PABPC1L: variants seen among roughly 807,000 people sequenced by gnomAD.
PABPC1L encodes the protein polyadenylate-binding protein 1-like.
Under a neutral mutation model 66.6 loss-of-function variants are expected in PABPC1L, and 31 were observed. That is an observed-to-expected ratio of 0.47 (90% CI 0.35 to 0.63). The LOEUF (loss-of-function observed/expected upper bound fraction) is 0.63, where lower values mean the gene tolerates loss of function less well. PABPC1L is among the 20% of genes least tolerant of loss of function. PABPC1L has a pLI of 0.00. For synonymous variants in PABPC1L, 348 were observed against 335.1 expected, an observed-to-expected ratio of 1.04 and a Z score of -0.42; for missense variants, 722 against 848.8, an observed-to-expected ratio of 0.85 and a Z score of 1.86.
At chr20:44,934,890 A>T (rs1435243215) in intron 10 of PABPC1L, among the ~76,000 whole-genome samples, 1 of 152,188 alleles carries the variant, frequency 6.6e-6, no homozygotes, top group East Asian at 1.9e-4. Context: ...CAACATGGTG[A>T]AACCCTGTCT....
At chr20:44,925,736 G>T (rs866489603) in intron 7 of PABPC1L, among the ~76,000 whole-genome samples, 1 of 152,300 alleles carries the variant, frequency 6.6e-6, no homozygotes, top group African/African-American at 2.4e-5. Context: ...GCGAGAGAAG[G>T]CTGTGGCACA....
At position 44,936,641 on chromosome 20, in the gene PABPC1L, A is replaced by G. The variant is rs1018219558; in HGVS notation, c.1571A>G (p.Gln524Arg). 1.3e-6 allele frequency: 2 copies of G among 1,593,296 alleles called. No individual in the cohort carries two copies. Among genetic ancestry groups the G allele is most frequent in the Non-Finnish European group, 1.7e-6 (2 of 1,171,000 alleles). Residue 524 changes from glutamine to arginine, a missense_variant, in exon 12 of 15, where the codon CAG becomes CGG. By Grantham distance (43) the Gln-to-Arg change is conservative. Transcript: ENST00000217073. ...SSAAHSTYRV[Q>R]EPAVHIPGQE... is the part of the protein sequence containing the mutation. ...TGTGTCCCCGGCACCATGCAGGTCC[A>G]GGAGCCGGCTGTGCACATCCCAGGA...
intron 7 of PABPC1L, among the ~76,000 whole-genome samples, chr20:44,925,305 C>G (rs568929670): frequency 1.3e-5 from 2 of 151,822 alleles, no homozygotes; most frequent in Non-Finnish European, 2.9e-5. Context: ...TTTTACCAGG[C>G]TCTGTGGGAA....
chr20:44,932,771 C>T, intron 9 of PABPC1L: 2 of 496,178 alleles, frequency 4.0e-6, no homozygotes, highest in Non-Finnish European at 7.3e-6. Context: ...GAGTGAATTG[C>T]ACGCTCACTT....
At chr20:44,932,748 C>T (rs2066870977) in intron 9 of PABPC1L, 1 of 494,966 alleles carries the variant, frequency 2.0e-6, no homozygotes, top group East Asian at 3.3e-5. Context: ...TGACCAAAGG[C>T]CCTCCTCTGT....
chr20:44,933,013 C>T (rs12798), intron 9 of PABPC1L, 44 bp from the exon 10 acceptor site: 124,802 of 1,360,934 alleles, frequency 0.092, 6,179 homozygotes, highest in East Asian at 0.14. Context: ...TTATTCCCAC[C>T]ACTCCATCCA....
rs1340981312 is a variant in PABPC1L at position 44,935,403 on chromosome 20, C to T, written c.1472C>T (p.Thr491Ile). 2 of 1,614,050 alleles carry T rather than the reference C, an allele frequency of 1.2e-6. No homozygotes were observed. Among genetic ancestry groups the T allele is most frequent in the Non-Finnish European group, 1.7e-6 (2 of 1,179,944 alleles). ...PHTQRVANIG[T>I]QTTGPSGVGC... ...TTTTGTTTTGCAGCCAACATTGGTACTCAGACCACAGGACCCAGTGGGGTA... is the reference window on the plus strand; with the variant it reads ...TTTTGTTTTGCAGCCAACATTGGTATTCAGACCACAGGACCCAGTGGGGTA... The change falls in exon 11 of 15, where the codon ACT (threonine) becomes ATT (isoleucine). Residue 491 changes from threonine to isoleucine, a missense_variant. By Grantham distance (89) the Thr-to-Ile change is moderately conservative. Coordinates refer to ENST00000217073, the MANE Select transcript of PABPC1L (RefSeq NM_001372179.1).
intron 8 of PABPC1L, 120 bp from the exon 9 acceptor site, chr20:44,932,222 T>G (rs1317247914): frequency 9.2e-6 from 6 of 651,162 alleles, no homozygotes; most frequent in African/African-American, 1.9e-5. Context: ...CTTGTGGGTC[T>G]TGACTCACCA....
In PABPC1L at chr20:44,910,061, A is replaced by C; in HGVS notation, c.-83A>C. 1 of 1,251,874 alleles carries C rather than the reference A, an allele frequency of 8.0e-7. No homozygotes were observed. Among genetic ancestry groups the C allele is most frequent in the East Asian group, 2.8e-5 (1 of 35,576 alleles). The allele number at this position is 1,251,874 out of a possible 1,614,324, so 77.5% of individuals were successfully genotyped here. On this transcript the variant is annotated 5_prime_UTR_variant, in exon 1 of 15. Transcript: ENST00000217073. ...GGAAGGGGCGGGCCCGCGCCCAGGA[A>C]GGAGGGCTTCCGCCCGGGTGAGCGC...
intron 2 of PABPC1L, among the ~76,000 whole-genome samples, chr20:44,914,215 T>A (rs866293918): frequency 1.9e-4 from 29 of 148,918 alleles, no homozygotes; most frequent in Middle Eastern, 3.4e-3. Context: ...TTTTTTTTTT[T>A]TTTTTTTTTG....
intron 6 of PABPC1L, 78 bp from the exon 7 acceptor site, chr20:44,924,083 C>T (rs1232965602): frequency 2.8e-5 from 33 of 1,187,596 alleles, no homozygotes; most frequent in South Asian, 2.4e-4. Flanking sequence ...CTTGTACCTG[C>T]GTCAGTTCCC....
chr20:44,921,743 CT>C lies in PABPC1L; in HGVS notation c.876+14del, dbSNP rs746687404. 1 of 1,612,910 alleles carries C rather than the reference CT, an allele frequency of 6.2e-7. No individual in the cohort carries two copies. Among genetic ancestry groups the C allele is most frequent in the Admixed American group, 1.7e-5 (1 of 59,748 alleles). ...TGAGGCGTTACCAGGTGAGGTCAGG[CT>C]TCCTGGTGGCAGCCACTTCTGTGTG... On this transcript the variant is annotated intron_variant, in intron 6 of 14. Transcript: ENST00000217073.
intron 11 of PABPC1L, 96 bp downstream of exon 11, chr20:44,935,593 C>G: frequency 1.0e-6 from 1 of 988,734 alleles, no homozygotes; most frequent in Non-Finnish European, 1.5e-6. Context: ...TTTTTCTTTT[C>G]TTGGCTTGTA....
In PABPC1L at chr20:44,910,120, C is replaced by T. The variant is rs1157531363; in HGVS notation, c.-24C>T. The T allele has an allele frequency of 5.9e-6, 9 of 1,535,038 alleles. No individual in the cohort carries two copies. Among genetic ancestry groups the T allele is most frequent in the Middle Eastern group, 3.5e-4 (2 of 5,718 alleles). ...TGGGTGACCCGGCTCCTGCTTGCCC[C>T]GCAGCCCCGGCCCCCTGCCCACCAT... On this transcript the variant is annotated 5_prime_UTR_variant, in exon 1 of 15. Transcript: ENST00000217073.
At position 44,910,286 on chromosome 20, in the gene PABPC1L, C is replaced by T; in HGVS notation, c.143C>T (p.Thr48Ile). The stretch of plus-strand genomic sequence containing the variant: ...ATCCGCGTGTGCCGCGATGTAGCCA[C>T]CCGGCGCTCGCTGGGCTACGCCTAC... ...LSIRVCRDVA[T>I]RRSLGYAYIN... The change falls in exon 1 of 15, where the codon ACC (threonine) becomes ATC (isoleucine). Residue 48 changes from threonine to isoleucine, a missense_variant. This residue lies in a region of PABPC1L where 284 missense variants were observed against 294.8 expected (regional missense o/e 0.96). Transcript: ENST00000217073. 2.6e-6 allele frequency: 4 copies of T among 1,549,762 alleles called. No individual in the cohort carries two copies. Among genetic ancestry groups the T allele is most frequent in the Non-Finnish European group, 3.5e-6 (4 of 1,145,896 alleles).
Position 44,912,802 on chromosome 20 carries a change from C to T in PABPC1L, c.336C>T (p.Asn112=), listed in dbSNP as rs759897744. 2 of 1,614,014 alleles carry T rather than the reference C, an allele frequency of 1.2e-6. No homozygotes were observed. Among genetic ancestry groups the T allele is most frequent in the Non-Finnish European group, 1.7e-6 (2 of 1,179,998 alleles). Residue 112 remains asparagine, a synonymous_variant, in exon 2 of 15, where the codon AAC becomes AAT. Coordinates refer to ENST00000217073, the MANE Select transcript of PABPC1L (RefSeq NM_001372179.1). The part of the protein sequence containing the change: ...FIKNLEDSID[N]KALYDTFSTF... The stretch of plus-strand genomic sequence containing the variant: ...AGAACCTGGAGGACTCCATTGACAA[C>T]AAGGCTTTATATGATACCTTCTCCA...
chr20:44,910,893 C>G (rs1355358448), intron 1 of PABPC1L, among the ~76,000 whole-genome samples: 9 of 152,210 alleles, frequency 5.9e-5, no homozygotes, highest in Admixed American at 5.9e-4. Flanking sequence ...GCCTCCAGGC[C>G]GCAAGGCCGC....
rs1412045728 is a variant in PABPC1L, at chr20:44,910,164, C to T, written c.21C>T (p.Gly7=). 2.5e-6 allele frequency: 4 copies of T among 1,572,176 alleles called. No homozygotes were observed. Among genetic ancestry groups the T allele is most frequent in the Non-Finnish European group, 3.5e-6 (4 of 1,159,266 alleles). Reference sequence around the variant, plus strand: ...CCACCATGAACGCCAGCGGTTCTGGCTACCCGCTTGCCTCGCTTTACGTGG... The same window carrying T: ...CCACCATGAACGCCAGCGGTTCTGGTTACCCGCTTGCCTCGCTTTACGTGG... MNASGS[G]YPLASLYVGD... Residue 7 remains glycine, a synonymous_variant, in exon 1 of 15, where the codon GGC becomes GGT. Coordinates refer to ENST00000217073, the MANE Select transcript of PABPC1L (RefSeq NM_001372179.1).
chr20:44,924,206 G>A lies in PABPC1L; in HGVS notation c.922G>A (p.Asp308Asn), dbSNP rs201244163. 34 of 1,613,914 alleles carry A rather than the reference G, an allele frequency of 2.1e-5. No individual in the cohort carries two copies. The Admixed American group carries it at 4.7e-4, about 22-fold the overall frequency. The change falls in exon 7 of 15, where the codon GAC becomes AAC. Residue 308 changes from aspartate (D) to asparagine (N), a missense_variant. This residue lies in a region of PABPC1L where 137 missense variants were observed against 216.8 expected (regional missense o/e 0.63). Transcript: ENST00000217073. ...VKNLDDSIDD[D>N]KLRKEFSPYG... ...GAATCTGGACGACTCCATTGATGAC[G>A]ACAAACTGAGGAAAGAGTTCTCTCC...
Sources: allele counts gnomAD v4.1 joint callset (sites outside exome capture counted in the v4.1 genomes callset), GRCh38; gene constraint gnomAD v4.1.1; regional missense constraint gnomAD v4.1.1; transcripts MANE v1.5; gene names NCBI Gene and HGNC (gene_info 2026-07-23, HGNC 2026-07-21).